SYNJ2BP: variants seen among roughly 807,000 people sequenced by gnomAD.
The protein encoded by SYNJ2BP is synaptojanin-2-binding protein.
In SYNJ2BP, 10 loss-of-function variants were observed where a neutral mutation model predicts 16.9. That is an observed-to-expected ratio of 0.59 (90% confidence interval 0.36 to 1.00). The LOEUF (loss-of-function observed/expected upper bound fraction) is 1.00. Among genes scored for constraint, SYNJ2BP ranks in the 50% least tolerant of loss-of-function variants. The probability of loss-of-function intolerance (pLI) is 0.01; values close to 1 mark genes in which losing one functional copy is unlikely to be tolerated. For synonymous variants in SYNJ2BP, 54 were observed against 68.4 expected (o/e 0.79, Z 1.04); for missense variants, 162 against 186.7 (o/e 0.87, Z 0.77).
At chr14:70,407,810 C>T (rs1888381162) in intron 1 of SYNJ2BP, among the ~76,000 whole-genome samples, 1 of 152,178 alleles carries the variant, frequency 6.6e-6, no homozygotes, top group African/African-American at 2.4e-5. Context: ...ACAGCTACTG[C>T]TTATCTCCGT....
At chr14:70,408,169 A>G (rs1888390023) in intron 1 of SYNJ2BP, among the ~76,000 whole-genome samples, 1 of 151,594 alleles carries the variant, frequency 6.6e-6, no homozygotes, top group African/African-American at 2.4e-5. Context: ...AAACTAAGGC[A>G]TAAAAGGAGG....
chr14:70,411,571 C>T (rs1484507667), intron 1 of SYNJ2BP, among the ~76,000 whole-genome samples: 3 of 152,188 alleles, frequency 2.0e-5, no homozygotes, highest in Non-Finnish European at 4.4e-5. Flanking sequence ...TCCTTCTGTC[C>T]AGGCTGGTTT....
In SYNJ2BP at chr14:70,369,970, A is replaced by G. The variant is rs1887483083; in HGVS notation, c.*3021T>C. The G allele has an allele frequency of 6.6e-6, 1 of 152,238 alleles. No homozygotes were observed. Among genetic ancestry groups the G allele is most frequent in the Admixed American group, 6.5e-5 (1 of 15,290 alleles). 9.4% of individuals were successfully genotyped at this position (152,238 alleles called of 1,614,324 possible). ...AAGAACATGAATTTTTTTACAACCT[A>G]TAATGGATCCTGATACCTCATCTAT... On this transcript the variant is annotated 3_prime_UTR_variant, in exon 4 of 4. Coordinates refer to ENST00000256366, the MANE Select transcript of SYNJ2BP (RefSeq NM_018373.3).
intron 3 of SYNJ2BP, 54 bp downstream of exon 3, chr14:70,375,622 A>G (rs1398665595): frequency 1.3e-6 from 2 of 1,581,554 alleles, no homozygotes; most frequent in Non-Finnish European, 1.7e-6. Context: ...GGGCTTATTC[A>G]GAAGTACAGT....
chr14:70,400,195 GACA>G (rs1189557631), intron 1 of SYNJ2BP, among the ~76,000 whole-genome samples: 2 of 152,286 alleles, frequency 1.3e-5, no homozygotes, highest in East Asian at 1.9e-4. Context: ...ATCAAAACAA[GACA>G]ACAATTGTCT....
chr14:70,388,465 C>A lies in SYNJ2BP; in HGVS notation c.201+5G>T. 1 of 1,553,698 alleles carries A rather than the reference C, an allele frequency of 6.4e-7. No homozygotes were observed. Among genetic ancestry groups the A allele is most frequent in the Non-Finnish European group, 8.7e-7 (1 of 1,151,850 alleles). On this transcript the variant is annotated splice_donor_5th_base_variant and intron_variant, in intron 2 of 3. Transcript: ENST00000256366. ...ACAGTGAAGGAGGCCGAAGCCCATT[C>A]TCACCGAAAGGATCTTATCACCCTC...
intron 2 of SYNJ2BP, among the ~76,000 whole-genome samples, chr14:70,376,493 T>A (rs1213913420): frequency 6.6e-6 from 1 of 152,244 alleles, no homozygotes; most frequent in African/African-American, 2.4e-5. Flanking sequence ...CCACAAGTAA[T>A]AATCTATCTA....
intron 1 of SYNJ2BP, among the ~76,000 whole-genome samples, chr14:70,413,631 C>T (rs1355798250): frequency 3.3e-5 from 5 of 151,992 alleles, no homozygotes; most frequent in African/African-American, 7.2e-5. Flanking sequence ...GAGTGAGACG[C>T]GTCTCAAAAA....
intron 1 of SYNJ2BP, among the ~76,000 whole-genome samples, chr14:70,400,447 A>G (rs1594956157): frequency 6.6e-6 from 1 of 152,300 alleles, no homozygotes. Context: ...TCCCTTTACA[A>G]ATTTTTGTTA....
chr14:70,412,263 T>C (rs931954824), intron 1 of SYNJ2BP, among the ~76,000 whole-genome samples: 1 of 152,184 alleles, frequency 6.6e-6, no homozygotes. Flanking sequence ...GGCAGTCAAC[T>C]TCTTAAACAT....
chr14:70,380,904 A>G (rs1200737415), intron 2 of SYNJ2BP, among the ~76,000 whole-genome samples: 1 of 152,182 alleles, frequency 6.6e-6, no homozygotes, highest in African/African-American at 2.4e-5. Context: ...CTTAAAGTCC[A>G]AATTGAACTC....
In SYNJ2BP at chr14:70,392,455, C is replaced by A. The variant is rs145352601; in HGVS notation, c.65-3849G>T. 2.0e-4 allele frequency among the ~76,000 whole-genome samples: 30 copies of A among 152,236 alleles called. No homozygotes were observed. In the East Asian group the frequency reaches 5.8e-3, roughly 29 times the overall value. ...AGAATTATAAATTCTGCCCTGTCTA[C>A]ATCAATGGGTAAGTGTTAGGGGCCA... On this transcript the variant is annotated intron_variant, in intron 1 of 3. Transcript: ENST00000256366.
chr14:70,403,616 T>C (rs1412815134), intron 1 of SYNJ2BP, among the ~76,000 whole-genome samples: 2 of 152,166 alleles, frequency 1.3e-5, no homozygotes, highest in African/African-American at 4.8e-5. Context: ...CATGGCAATG[T>C]CAGGAAATTA....
At chr14:70,375,205 C>CTT (rs201793770) in intron 3 of SYNJ2BP, among the ~76,000 whole-genome samples, 54 of 121,200 alleles carry the variant, frequency 4.5e-4, no homozygotes, top group East Asian at 1.5e-3. Flanking sequence ...CTCTTTTTTT[C>CTT]TTTTTTTTTT....
At chr14:70,378,966 C>T (rs1407284825) in intron 2 of SYNJ2BP, among the ~76,000 whole-genome samples, 1 of 152,112 alleles carries the variant, frequency 6.6e-6, no homozygotes, top group African/African-American at 2.4e-5. Flanking sequence ...TTGCCTGCTC[C>T]TTTCCTCTGG....
rs773935958 is a variant in SYNJ2BP at position 70,375,757 on chromosome 14, G to A, written c.216C>T (p.Asp72=). ...CATCCTGGTGCAGCAGGTTCTTTAG[G>A]TCTTGGCCATTTACCTGTCAAAACA... ...GDKILSVNGQ[D]LKNLLHQDAV... Residue 72 remains aspartate (D), a synonymous_variant, in exon 3 of 4, where the codon GAC becomes GAT. Coordinates refer to ENST00000256366, the MANE Select transcript of SYNJ2BP (RefSeq NM_018373.3). 22 of 1,613,880 alleles carry A rather than the reference G, an allele frequency of 1.4e-5. No individual in the cohort carries two copies. In the Middle Eastern group the frequency reaches 1.2e-3, roughly 84 times the overall value.
At chr14:70,384,073 T>G (rs1887808246) in intron 2 of SYNJ2BP, among the ~76,000 whole-genome samples, 1 of 151,958 alleles carries the variant, frequency 6.6e-6, no homozygotes, top group South Asian at 2.1e-4. Flanking sequence ...TGAAACTACA[T>G]GATAAACCAT....
intron 2 of SYNJ2BP, among the ~76,000 whole-genome samples, chr14:70,386,294 T>C (rs921312419): frequency 2.6e-5 from 4 of 152,226 alleles, no homozygotes; most frequent in African/African-American, 9.6e-5. Context: ...TTCTAAACTT[T>C]TCACTATCCT....
intron 1 of SYNJ2BP, among the ~76,000 whole-genome samples, chr14:70,397,714 A>G (rs1888132466): frequency 6.6e-6 from 1 of 152,218 alleles, no homozygotes; most frequent in Non-Finnish European, 1.5e-5. Flanking sequence ...CAGATACATG[A>G]AGGGTTGCAG....
Sources: allele counts gnomAD v4.1 joint callset (sites outside exome capture counted in the v4.1 genomes callset), GRCh38; gene constraint gnomAD v4.1.1; transcripts MANE v1.5; gene names NCBI Gene and HGNC (gene_info 2026-07-23, HGNC 2026-07-21).